The following MSRA variants were observed in gnomAD, a reference collection of about 807,000 sequenced individuals.
The protein encoded by MSRA is mitochondrial peptide methionine sulfoxide reductase.
In MSRA, 54 loss-of-function variants were observed where a neutral mutation model predicts 31.3. The ratio of observed to expected loss-of-function variants is 1.73; its 90% CI spans 1.39 to 2.17. The LOEUF (loss-of-function observed/expected upper bound fraction) is 2.17. MSRA is among the 30% of genes most tolerant of loss of function. The pLI is 0.00. For synonymous variants in MSRA, 169 were observed against 116.5 expected, an observed-to-expected ratio of 1.45 and a Z score of -2.90; for missense variants, 507 against 300.9, an observed-to-expected ratio of 1.69 and a Z score of -5.07.
intron 2 of MSRA, among the ~76,000 whole-genome samples, chr8:10,220,730 CTTGGTG>C (rs1563233667): frequency 6.6e-6 from 1 of 152,150 alleles, no homozygotes; most frequent in Non-Finnish European, 1.5e-5. Context: ...GGATTCAGTG[CTTGGTG>C]ACATTCTTAT....
intron 5 of MSRA, among the ~76,000 whole-genome samples, chr8:10,327,187 C>T (rs183741859): frequency 1.3e-5 from 2 of 152,314 alleles, no homozygotes; most frequent in Admixed American, 1.3e-4. Flanking sequence ...AAATTACCCA[C>T]TGTGTTTCAA....
At chr8:10,239,922 C>G (rs1370896666) in intron 2 of MSRA, among the ~76,000 whole-genome samples, 1 of 152,148 alleles carries the variant, frequency 6.6e-6, no homozygotes, top group African/African-American at 2.4e-5. Flanking sequence ...GTTCACTGAA[C>G]TGGTGCTGTG....
At chr8:10,224,017 T>C (rs9657516) in intron 2 of MSRA, among the ~76,000 whole-genome samples, 11,236 of 152,208 alleles carry the variant, frequency 0.074, 1,355 homozygotes, top group African/African-American at 0.25. Context: ...GGCAAATCAC[T>C]ATAGTCTGCA....
At chr8:10,338,383 A>G (rs1429382288) in intron 5 of MSRA, among the ~76,000 whole-genome samples, 1 of 152,226 alleles carries the variant, frequency 6.6e-6, no homozygotes, top group Admixed American at 6.5e-5. Flanking sequence ...CAAAGGGTGC[A>G]GAGTTTCAGA....
intron 1 of MSRA, among the ~76,000 whole-genome samples, chr8:10,113,677 A>T (rs149075962): frequency 6.6e-6 from 1 of 152,078 alleles, no homozygotes; most frequent in African/African-American, 2.4e-5. Flanking sequence ...ACCCAGTTAA[A>T]GGTGGAAGAC....
At chr8:10,334,341 C>G (rs899743755) in intron 5 of MSRA, among the ~76,000 whole-genome samples, 2 of 151,992 alleles carry the variant, frequency 1.3e-5, no homozygotes, top group Admixed American at 6.6e-5. Context: ...AACAAAAGGG[C>G]CTTTGTTGTT....
At chr8:10,102,011 T>G (rs1191990182) in intron 1 of MSRA, among the ~76,000 whole-genome samples, 1 of 152,200 alleles carries the variant, frequency 6.6e-6, no homozygotes, top group Non-Finnish European at 1.5e-5. Flanking sequence ...GTCATTTGAA[T>G]TGTTTTGCCC....
chr8:10,162,298 C>T (rs1305068202), intron 1 of MSRA, among the ~76,000 whole-genome samples: 1 of 152,132 alleles, frequency 6.6e-6, no homozygotes. Flanking sequence ...GATTGGTGGC[C>T]TTATAAAAGG....
chr8:10,373,013 C>G (rs866037608), intron 5 of MSRA, among the ~76,000 whole-genome samples: 2 of 152,196 alleles, frequency 1.3e-5, no homozygotes, highest in Admixed American at 1.3e-4. Context: ...CCTCAGCCTC[C>G]CAAGTAGCTG....
chr8:10,141,975 G>A (rs1254668587), intron 1 of MSRA, among the ~76,000 whole-genome samples: 1 of 152,024 alleles, frequency 6.6e-6, no homozygotes, highest in Non-Finnish European at 1.5e-5. Context: ...TTGTTTGTTT[G>A]GAGATGGAGT....
intron 1 of MSRA, among the ~76,000 whole-genome samples, chr8:10,117,836 C>T (rs554395301): frequency 1.8e-4 from 28 of 152,318 alleles, no homozygotes; most frequent in Middle Eastern, 3.4e-3. Context: ...CTCTCATTTT[C>T]AGTCATGAAT....
chr8:10,168,938 A>G (rs1444208448), intron 1 of MSRA, among the ~76,000 whole-genome samples: 1 of 151,884 alleles, frequency 6.6e-6, no homozygotes, highest in Non-Finnish European at 1.5e-5. Context: ...GTAGATACTC[A>G]TGATATAAAG....
At chr8:10,310,471 A>G (rs1801373628) in intron 4 of MSRA, among the ~76,000 whole-genome samples, 1 of 152,188 alleles carries the variant, frequency 6.6e-6, no homozygotes, top group South Asian at 2.1e-4. Context: ...TCTGTCATAT[A>G]ATACTATAAA....
intron 1 of MSRA, among the ~76,000 whole-genome samples, chr8:10,169,715 G>C (rs1349465540): frequency 2.6e-5 from 4 of 152,128 alleles, no homozygotes; most frequent in Non-Finnish European, 5.9e-5. Flanking sequence ...CATTTTGTCT[G>C]ATGCTATTGT....
intron 4 of MSRA, among the ~76,000 whole-genome samples, chr8:10,319,662 C>G (rs1801929963): frequency 6.6e-6 from 1 of 151,208 alleles, no homozygotes; most frequent in Non-Finnish European, 1.5e-5. Context: ...TACCTGAGTT[C>G]AAAGATACTT....
Position 10,219,805 on chromosome 8 carries a change from C to CAAAA in MSRA, c.211+11904_211+11905insAAAA, listed in dbSNP as rs202000887. On this transcript the variant is annotated intron_variant, in intron 2 of 5. Transcript: ENST00000317173. ...TGGACGACAGATCGAGACTCTGTCTCCAAAAAAAAAAAAAAAAAAAAAAGA... is the reference window on the plus strand; with the variant it reads ...TGGACGACAGATCGAGACTCTGTCTCAAAACAAAAAAAAAAAAAAAAAAAAAAGA... Among the ~76,000 whole-genome samples, 9 of 46,072 alleles carry CAAAA rather than the reference C, an allele frequency of 2.0e-4. 1 individual carries two copies. The highest frequency in any genetic ancestry group is 1.3e-3 in the East Asian group (1 of 752). The allele number at this position is 46,072 out of a possible 152,430, so 30.2% of individuals were successfully genotyped here.
intron 1 of MSRA, among the ~76,000 whole-genome samples, chr8:10,176,586 A>C (rs564663225): frequency 6.6e-6 from 1 of 152,334 alleles, no homozygotes; most frequent in African/African-American, 2.4e-5. Context: ...TCAGCAGCAG[A>C]AGACTTTAAC....
intron 1 of MSRA, among the ~76,000 whole-genome samples, chr8:10,146,613 T>C (rs1309630904): frequency 6.6e-6 from 1 of 152,192 alleles, no homozygotes; most frequent in Non-Finnish European, 1.5e-5. Flanking sequence ...TGGCGGCGGT[T>C]GTACAACTTT....
chr8:10,320,790 G>C (rs1585461465), intron 5 of MSRA, among the ~76,000 whole-genome samples: 1 of 152,080 alleles, frequency 6.6e-6, no homozygotes, highest in Non-Finnish European at 1.5e-5. Flanking sequence ...TCTCTCCTTG[G>C]CTTCTAGATG....
Sources: gnomAD v4.1 joint callset for allele counts (sites outside exome capture counted in the v4.1 genomes callset) on GRCh38, gnomAD v4.1.1 for gene constraint, MANE v1.5 for transcripts, NCBI Gene and HGNC (gene_info 2026-07-23, HGNC 2026-07-21) for gene names.